The following RHOQ variants were observed in gnomAD, a reference collection of about 807,000 sequenced individuals.
RHOQ encodes rho-related GTP-binding protein RhoQ.
A neutral mutation model predicts 25.8 loss-of-function variants in RHOQ; 7 were observed. That is an observed-to-expected ratio of 0.27 (90% CI 0.15 to 0.51). The LOEUF is 0.51. RHOQ is among the 20% of genes least tolerant of loss of function. The pLI, the probability that RHOQ is intolerant of heterozygous loss-of-function variation, is 0.97. For missense variants in RHOQ, 165 were observed against 260.6 expected (o/e 0.63, Z 2.53); for synonymous variants, 97 against 98.6 (o/e 0.98, Z 0.10).
rs1269168795 is a variant in RHOQ at position 46,580,912 on chromosome 2, T to G, written c.463-16T>G. 6.1e-6 allele frequency: 9 copies of G among 1,463,490 alleles called. No individual in the cohort carries two copies. The East Asian group carries it at 2.3e-4, about 37-fold the overall frequency. The allele number at this position is 1,463,490 out of a possible 1,614,324, so 90.7% of individuals were successfully genotyped here. A position where few individuals can be genotyped will look rare whatever the true frequency, so the allele number is the denominator to read the frequency against. On this transcript the variant is annotated splice_polypyrimidine_tract_variant and intron_variant, in intron 4 of 4. Coordinates refer to ENST00000238738, the MANE Select transcript of RHOQ (RefSeq NM_012249.4). Reference sequence around the variant, plus strand: ...ACATGATCTTATATATTTGTGATTTTTTTTCTCCCTCCCAGATAGGAGCAT... The same window carrying G: ...ACATGATCTTATATATTTGTGATTTGTTTTCTCCCTCCCAGATAGGAGCAT...
At position 46,584,659 on chromosome 2, in the gene RHOQ, A is replaced by C. The variant is rs1213529753; in HGVS notation, c.*3576A>C. ...AAGAAGTGCATGCCATCAGCAAATTAAAATGTGGACTGGCTTTGAAGACTG... is the reference window on the plus strand; with the variant it reads ...AAGAAGTGCATGCCATCAGCAAATTCAAATGTGGACTGGCTTTGAAGACTG... On this transcript the variant is annotated 3_prime_UTR_variant, in exon 5 of 5. Coordinates refer to ENST00000238738, the MANE Select transcript of RHOQ (RefSeq NM_012249.4). Among the ~76,000 whole-genome samples, 1 of 152,218 alleles carries C rather than the reference A, an allele frequency of 6.6e-6. No individual in the cohort carries two copies. Among genetic ancestry groups the C allele is most frequent in the Non-Finnish European group, 1.5e-5 (1 of 68,020 alleles).
Position 46,584,259 on chromosome 2 carries a change from A to C in RHOQ, c.*3176A>C, listed in dbSNP as rs1669496507. On this transcript the variant is annotated 3_prime_UTR_variant, in exon 5 of 5. Coordinates refer to ENST00000238738, the MANE Select transcript of RHOQ (RefSeq NM_012249.4). ...AAAGCACTGAACTTTTTACCTTAGT[A>C]GTTTTTATTTATTACCCTATGTAAA... 6.6e-6 allele frequency among the ~76,000 whole-genome samples: 1 copy of C among 152,130 alleles called. No homozygotes were observed. Among genetic ancestry groups the C allele is most frequent in the African/African-American group, 2.4e-5 (1 of 41,444 alleles).
chr2:46,567,560 A>G (rs1668773498), intron 2 of RHOQ, among the ~76,000 whole-genome samples: 1 of 151,868 alleles, frequency 6.6e-6, no homozygotes, highest in Non-Finnish European at 1.5e-5. Context: ...CACCTGGCTC[A>G]TTTTTTATTT....
chr2:46,572,123 T>TTTG (rs1668945158), intron 2 of RHOQ, among the ~76,000 whole-genome samples: 2 of 139,820 alleles, frequency 1.4e-5, no homozygotes, highest in African/African-American at 5.6e-5. Context: ...TTTTTTTTTT[T>TTTG]TTTTTTTTTT....
intron 2 of RHOQ, among the ~76,000 whole-genome samples, chr2:46,560,238 C>T (rs1194776059): frequency 6.6e-6 from 1 of 152,084 alleles, no homozygotes; most frequent in African/African-American, 2.4e-5. Context: ...TAAGTAAGTT[C>T]CACTTGTTTT....
rs1424040176 is a variant in RHOQ at position 46,576,405 on chromosome 2, TGTGCCAAAA to T, written c.367-154_367-146del. 6.6e-6 allele frequency among the ~76,000 whole-genome samples: 1 copy of T among 152,202 alleles called. No homozygotes were observed. The highest frequency in any genetic ancestry group is 2.4e-5 in the African/African-American group (1 of 41,458). The stretch of plus-strand genomic sequence containing the variant: ...GTTCTATCATATTTTTGGAAAAAAT[TGTGCCAAAA>T]GAAAGCAATTATTTTCCTGGTTTTT... On this transcript the variant is annotated intron_variant, in intron 3 of 4. Transcript: ENST00000238738. The surrounding 1 kb of genome is among the most constrained non-coding windows in gnomAD (Gnocchi z 5.1).
chr2:46,564,078 G>C (rs1572746648), intron 2 of RHOQ, among the ~76,000 whole-genome samples: 1 of 152,060 alleles, frequency 6.6e-6, no homozygotes, highest in African/African-American at 2.4e-5. Context: ...GCCAAGGCAG[G>C]AGGATTGCTT....
In RHOQ at chr2:46,555,060, C is replaced by T. The variant is rs1407285828; in HGVS notation, c.201+11248C>T. Among the ~76,000 whole-genome samples, 3 of 152,194 alleles carry T rather than the reference C, an allele frequency of 2.0e-5. No homozygotes were observed. The East Asian group carries it at 5.8e-4, about 29-fold the overall frequency. On this transcript the variant is annotated intron_variant, in intron 2 of 4. Coordinates refer to ENST00000238738, the MANE Select transcript of RHOQ (RefSeq NM_012249.4). The surrounding 1 kb of genome is among the most constrained non-coding windows in gnomAD (Gnocchi z 4.3). ...GGAGGAATGGGGAAGGGACTGGACACGAGGAGGGACAGAGCAGGCAGATGG... is the reference window on the plus strand; with the variant it reads ...GGAGGAATGGGGAAGGGACTGGACATGAGGAGGGACAGAGCAGGCAGATGG...
At position 46,559,371 on chromosome 2, in the gene RHOQ, T is replaced by C. The variant is rs374700038; in HGVS notation, c.201+15559T>C. Among the ~76,000 whole-genome samples the C allele has an allele frequency of 1.6e-4, 24 of 152,332 alleles. 1 individual carries two copies. Among genetic ancestry groups the C allele is most frequent in the Admixed American group, 1.3e-3 (20 of 15,300 alleles). On this transcript the variant is annotated intron_variant, in intron 2 of 4. Coordinates refer to ENST00000238738, the MANE Select transcript of RHOQ (RefSeq NM_012249.4). The stretch of plus-strand genomic sequence containing the variant: ...GATAGTGTTTCAAATTTTTTGTCTC[T>C]CTGTGTAATCTCTAATTTTGATCTC...
chr2:46,560,587 C>T (rs777006291), intron 2 of RHOQ: 6 of 456,246 alleles, frequency 1.3e-5, no homozygotes, highest in South Asian at 9.3e-5. Flanking sequence ...ATCCTGGGGT[C>T]ACGTGATCAC....
chr2:46,567,701 G>A (rs1316839747), intron 2 of RHOQ, among the ~76,000 whole-genome samples: 2 of 152,094 alleles, frequency 1.3e-5, no homozygotes, highest in African/African-American at 2.4e-5. Context: ...CTCCTGTGAT[G>A]TTTCAAACAA....
chr2:46,543,468 C>G, intron 1 of RHOQ: 2 of 600,214 alleles, frequency 3.3e-6, no homozygotes, highest in East Asian at 2.8e-5. Flanking sequence ...CCCACATCCC[C>G]TTTCCTACTG....
chr2:46,544,574 G>C (rs1371275944), intron 2 of RHOQ, among the ~76,000 whole-genome samples: 1 of 152,206 alleles, frequency 6.6e-6, no homozygotes, highest in Non-Finnish European at 1.5e-5. Context: ...AGGTGGCCAG[G>C]CTGTGCTTCT....
intron 1 of RHOQ, chr2:46,543,455 C>A: frequency 1.7e-6 from 1 of 600,466 alleles, no homozygotes; most frequent in South Asian, 2.0e-5. Context: ...CCTCCTTGAC[C>A]TTCCCACATC....
chr2:46,570,132 TGACTGC>T (rs1429833154), intron 2 of RHOQ, among the ~76,000 whole-genome samples: 2 of 152,182 alleles, frequency 1.3e-5, no homozygotes, highest in African/African-American at 4.8e-5. Flanking sequence ...AGTGTCAAAA[TGACTGC>T]ACAATAGAAA....
chr2:46,556,077 C>G lies in RHOQ; in HGVS notation c.201+12265C>G, dbSNP rs187045404. ...TCACTCCCCACCATTCCTCCTCCCC[C>G]GTCTCCTGGCAACCACTAATCTGTC... On this transcript the variant is annotated intron_variant, in intron 2 of 4. Transcript: ENST00000238738. This position sits in a 1 kb window ranked among gnomAD's most constrained non-coding sequence, Gnocchi z 4.9. 2.0e-5 allele frequency among the ~76,000 whole-genome samples: 3 copies of G among 152,148 alleles called. No individual in the cohort carries two copies. The highest frequency in any genetic ancestry group is 7.2e-5 in the African/African-American group (3 of 41,426).
intron 2 of RHOQ, among the ~76,000 whole-genome samples, chr2:46,563,858 G>A (rs13000560): frequency 6.6e-6 from 1 of 151,380 alleles, no homozygotes; most frequent in East Asian, 2.0e-4. Context: ...TCCCTATGTT[G>A]CCCAGGCTGG....
chr2:46,580,447 C>T (rs1210151182), intron 4 of RHOQ: 2 of 152,484 alleles, frequency 1.3e-5, no homozygotes, highest in African/African-American at 4.8e-5. Context: ...GGAGCTCTTC[C>T]CCTAGGTATC....
chr2:46,576,013 T>C lies in RHOQ; in HGVS notation c.202-74T>C. 1 of 1,278,512 alleles carries C rather than the reference T, an allele frequency of 7.8e-7. No homozygotes were observed. The highest frequency in any genetic ancestry group is 1.1e-6 in the Non-Finnish European group (1 of 946,736). 79.2% of individuals were successfully genotyped at this position (1,278,512 alleles called of 1,614,324 possible). A position where few individuals can be genotyped will look rare whatever the true frequency, so the allele number is the denominator to read the frequency against. On this transcript the variant is annotated intron_variant, in intron 2 of 4. Transcript: ENST00000238738. The surrounding 1 kb of genome is among the most constrained non-coding windows in gnomAD (Gnocchi z 5.1). ...ACTCCTGAATTTGCATCTTTGACCA[T>C]GTAATCTAATGTACATATTACTAGT...
Sources: allele counts gnomAD v4.1 joint callset (sites outside exome capture counted in the v4.1 genomes callset), GRCh38; gene constraint gnomAD v4.1.1; non-coding constraint Gnocchi (gnomAD v3.1); transcripts MANE v1.5; gene names NCBI Gene and HGNC (gene_info 2026-07-23, HGNC 2026-07-21).